Variants in RIMKLA observed in about 807,000 individuals in gnomAD.
RIMKLA encodes N-acetylaspartylglutamate synthase A.
A neutral mutation model predicts 32.7 loss-of-function variants in RIMKLA; 14 were observed. That is an observed-to-expected ratio of 0.43 (90% CI 0.28 to 0.67). The LOEUF is 0.67. Ranked by LOEUF, RIMKLA falls within the 30% of genes least tolerant of loss-of-function variation. The pLI is 0.18. For missense variants in RIMKLA, 410 were observed against 519.0 expected, an observed-to-expected ratio of 0.79 and a Z score of 2.04; for synonymous variants, 176 against 204.1, an observed-to-expected ratio of 0.86 and a Z score of 1.18.
chr1:42,407,863 C>T (rs1015388609), intron 3 of RIMKLA, among the ~76,000 whole-genome samples: 2 of 152,044 alleles, frequency 1.3e-5, no homozygotes, highest in African/African-American at 4.8e-5. Flanking sequence ...CATGATTAAC[C>T]AATCTTACTG....
chr1:42,414,436 A>G, intron 4 of RIMKLA, 48 bp from the exon 5 acceptor site: 2 of 1,591,438 alleles, frequency 1.3e-6, no homozygotes, highest in Non-Finnish European at 1.7e-6. Context: ...TTGAAGAGTC[A>G]TCTGACTTCT....
chr1:42,386,713 T>TG (rs1642951187), intron 1 of RIMKLA, among the ~76,000 whole-genome samples: 1 of 140,018 alleles, frequency 7.1e-6, no homozygotes, highest in Non-Finnish European at 1.5e-5. Context: ...CCGTCTCTAC[T>TG]AAAAAAAAAA....
At chr1:42,398,908 A>G (rs977890854) in intron 1 of RIMKLA, among the ~76,000 whole-genome samples, 6 of 147,576 alleles carry the variant, frequency 4.1e-5, no homozygotes, top group African/African-American at 1.5e-4. Context: ...CAGAGGTCGC[A>G]GTGAGCCAAG....
intron 2 of RIMKLA, among the ~76,000 whole-genome samples, chr1:42,400,479 G>C (rs770089558): frequency 6.6e-6 from 1 of 152,224 alleles, no homozygotes. Flanking sequence ...CTAACAGTGG[G>C]AATGAAGATG....
In RIMKLA at chr1:42,410,075, C is replaced by T. The variant is rs571080862; in HGVS notation, c.573C>T (p.Tyr191=). Reference sequence around the variant, plus strand: ...ATGTGCCCTACCTGTTCCAGAAGTACGTGAAGGAGTCCCATGGAAAGGACA... The same window carrying T: ...ATGTGCCCTACCTGTTCCAGAAGTATGTGAAGGAGTCCCATGGAAAGGACA... ...RHDVPYLFQK[Y]VKESHGKDIR... is the part of the protein sequence containing the mutation. Residue 191 remains tyrosine, a synonymous_variant, in exon 4 of 5, where the codon TAC becomes TAT. Transcript: ENST00000431473. 12 of 1,614,088 alleles carry T rather than the reference C, an allele frequency of 7.4e-6. No homozygotes were observed. Among genetic ancestry groups the T allele is most frequent in the African/African-American group, 5.3e-5 (4 of 75,016 alleles).
intron 1 of RIMKLA, among the ~76,000 whole-genome samples, chr1:42,384,100 C>A (rs1642913610): frequency 6.6e-6 from 1 of 152,154 alleles, no homozygotes; most frequent in Non-Finnish European, 1.5e-5. Context: ...AAATTCATTC[C>A]TGAGCTTTTC....
At chr1:42,385,827 C>CTTTCTTTCTTTCTCTCTCTCT (rs1557749845) in intron 1 of RIMKLA, among the ~76,000 whole-genome samples, 2 of 89,500 alleles carry the variant, frequency 2.2e-5, no homozygotes, top group African/African-American at 8.1e-5. Flanking sequence ...TTCCTTCCTT[C>CTTTCTTTCTTTCTCTCTCTCT]CTTTCTTTCT....
intron 2 of RIMKLA, among the ~76,000 whole-genome samples, chr1:42,404,190 C>T (rs762174289): frequency 1.2e-4 from 19 of 152,196 alleles, no homozygotes; most frequent in Admixed American, 2.6e-4. Context: ...AAGGAGCTTA[C>T]ACCAGGGGGC....
chr1:42,399,368 G>A (rs748709288), intron 1 of RIMKLA, 36 bp from the exon 2 acceptor site: 28 of 1,427,766 alleles, frequency 2.0e-5, no homozygotes, highest in Non-Finnish European at 2.7e-5. Flanking sequence ...CTAAACGATA[G>A]CAGGCACAGC....
intron 1 of RIMKLA, among the ~76,000 whole-genome samples, chr1:42,389,656 TAAAA>T (rs1439136534): frequency 6.6e-6 from 1 of 151,704 alleles, no homozygotes; most frequent in Non-Finnish European, 1.5e-5. Context: ...TACTAAAAAA[TAAAA>T]AAATTTAGCC....
In RIMKLA at chr1:42,423,170, A is replaced by T. The variant is rs1302194761; in HGVS notation, c.*8196A>T. On this transcript the variant is annotated 3_prime_UTR_variant, in exon 5 of 5. Coordinates refer to ENST00000431473, the MANE Select transcript of RIMKLA (RefSeq NM_173642.4). ...AGCTTCTGAGGGTCAGGGAGTCCAA[A>T]TTGAGGTCAGAGCATCAAAGGGATA... Among the ~76,000 whole-genome samples, 2 of 152,154 alleles carry T rather than the reference A, an allele frequency of 1.3e-5. No homozygotes were observed. The highest frequency in any genetic ancestry group is 2.9e-5 in the Non-Finnish European group (2 of 68,024).
At chr1:42,412,124 G>A (rs957262623) in intron 4 of RIMKLA, among the ~76,000 whole-genome samples, 64 of 152,178 alleles carry the variant, frequency 4.2e-4, no homozygotes, top group African/African-American at 1.5e-3. Flanking sequence ...TTTTAAAACC[G>A]TTTTATAGCC....
At chr1:42,395,697 C>G (rs1190896546) in intron 1 of RIMKLA, among the ~76,000 whole-genome samples, 1 of 152,092 alleles carries the variant, frequency 6.6e-6, no homozygotes, top group African/African-American at 2.4e-5. Flanking sequence ...ACATTAAGCT[C>G]CATCCTGTAT....
chr1:42,413,740 T>C (rs907659941), intron 4 of RIMKLA, among the ~76,000 whole-genome samples: 2 of 151,238 alleles, frequency 1.3e-5, no homozygotes, highest in Non-Finnish European at 2.9e-5. Flanking sequence ...TGGGCATTAT[T>C]ATTTGTTTTT....
intron 4 of RIMKLA, chr1:42,412,646 T>G (rs908828098): frequency 5.9e-6 from 3 of 504,706 alleles, no homozygotes; most frequent in Middle Eastern, 6.8e-4. Flanking sequence ...CATCAGTGAT[T>G]TCAGATTTGC....
chr1:42,400,095 A>G (rs149578783), intron 2 of RIMKLA, among the ~76,000 whole-genome samples: 3 of 152,342 alleles, frequency 2.0e-5, no homozygotes, highest in East Asian at 1.9e-4. Flanking sequence ...TTATCTAGCT[A>G]AGCAAAGGGA....
At position 42,419,932 on chromosome 1, in the gene RIMKLA, T is replaced by C. The variant is rs1407221343; in HGVS notation, c.*4958T>C. 6.6e-6 allele frequency: 1 copy of C among 152,206 alleles called. No homozygotes were observed. Among genetic ancestry groups the C allele is most frequent in the Non-Finnish European group, 1.5e-5 (1 of 68,040 alleles). 9.4% of individuals were successfully genotyped at this position (152,206 alleles called of 1,614,324 possible). On this transcript the variant is annotated 3_prime_UTR_variant, in exon 5 of 5. Coordinates refer to ENST00000431473, the MANE Select transcript of RIMKLA (RefSeq NM_173642.4). ...AAGGGTTTGCAGCTCCTAAACCTATTGCATTAGGCACACCCAAGAAGAAAT... is the reference window on the plus strand; with the variant it reads ...AAGGGTTTGCAGCTCCTAAACCTATCGCATTAGGCACACCCAAGAAGAAAT...
rs12028577 is a variant in RIMKLA at position 42,420,852 on chromosome 1, T to C, written c.*5878T>C. On this transcript the variant is annotated 3_prime_UTR_variant, in exon 5 of 5. Transcript: ENST00000431473. ...CCCAGGGACACTTTACTTCAACTTGTTAAACCTTAATTTTGTCACCTATAA... is the reference window on the plus strand; with the variant it reads ...CCCAGGGACACTTTACTTCAACTTGCTAAACCTTAATTTTGTCACCTATAA... The C allele has an allele frequency of 0.24, 37,135 of 152,174 alleles. 4,766 individuals are homozygous for C. The highest frequency in any genetic ancestry group is 0.44 in the South Asian group (2,124 of 4,818). The allele number at this position is 152,174 out of a possible 1,614,324, so 9.4% of individuals were successfully genotyped here.
At chr1:42,387,558 ATTCATTTAT>A (rs1433654960) in intron 1 of RIMKLA, among the ~76,000 whole-genome samples, 3 of 152,332 alleles carry the variant, frequency 2.0e-5, no homozygotes, top group African/African-American at 7.2e-5. Flanking sequence ...AATCCTATAC[ATTCATTTAT>A]TTCATTTAAT....
Sources: gnomAD v4.1 joint callset for allele counts (sites outside exome capture counted in the v4.1 genomes callset) on GRCh38, gnomAD v4.1.1 for gene constraint, MANE v1.5 for transcripts, NCBI Gene and HGNC (gene_info 2026-07-23, HGNC 2026-07-21) for gene names.